Variants in CAMK1D observed in about 807,000 individuals in gnomAD.
CAMK1D encodes calcium/calmodulin-dependent protein kinase type 1D.
CAMK1D carries 9 observed loss-of-function variants against 47.7 expected under a neutral mutation model. The observed-to-expected ratio is 0.19, with a 90% CI of 0.11 to 0.33. The LOEUF (loss-of-function observed/expected upper bound fraction) is 0.33, where lower values mean the gene tolerates loss of function less well. Among genes scored for constraint, CAMK1D ranks in the 10% least tolerant of loss-of-function variants. The probability of loss-of-function intolerance (pLI) is 1.00; values close to 1 mark genes in which losing one functional copy is unlikely to be tolerated. For missense variants in CAMK1D, 291 were observed against 488.7 expected (o/e 0.60, Z 3.81); for synonymous variants, 184 against 184.9 (o/e 0.99, Z 0.04).
intron 1 of CAMK1D, among the ~76,000 whole-genome samples, chr10:12,544,575 A>G (rs377641096): frequency 1.3e-5 from 2 of 152,388 alleles, no homozygotes; most frequent in South Asian, 2.1e-4. Context: ...GTTTTAAAAT[A>G]AATCAGGAAG....
chr10:12,660,327 G>C (rs1173018138), intron 2 of CAMK1D, among the ~76,000 whole-genome samples: 1 of 152,064 alleles, frequency 6.6e-6, no homozygotes, highest in Non-Finnish European at 1.5e-5. Flanking sequence ...TTGAACTGGG[G>C]TACATGAGGC....
chr10:12,599,575 T>C (rs1838242511), intron 2 of CAMK1D, among the ~76,000 whole-genome samples: 1 of 152,300 alleles, frequency 6.6e-6, no homozygotes, highest in Non-Finnish European at 1.5e-5. Context: ...TTTCTTTTTG[T>C]CCCCTTTTAG....
At chr10:12,807,994 T>G in intron 6 of CAMK1D, among the ~76,000 whole-genome samples, 1 of 152,180 alleles carries the variant, frequency 6.6e-6, no homozygotes, top group African/African-American at 2.4e-5. Context: ...AGGCCTCACC[T>G]CAGCTCTAGC....
chr10:12,668,255 T>C lies in CAMK1D; in HGVS notation c.299+1445T>C, dbSNP rs77961984. 5.7e-3 allele frequency among the ~76,000 whole-genome samples: 872 copies of C among 152,344 alleles called. 8 individuals carry two copies. Among genetic ancestry groups the C allele is most frequent in the African/African-American group, 0.02 (834 of 41,570 alleles). On this transcript the variant is annotated intron_variant, in intron 3 of 10. Transcript: ENST00000619168. ...CACATCACTTTCTCATCAAATATTA[T>C]TGCCTAATTGGAAGATTATGAGATT... is the stretch of plus-strand genomic sequence containing the variant.
intron 3 of CAMK1D, among the ~76,000 whole-genome samples, chr10:12,676,962 A>G (rs77036853): frequency 0.013 from 1,961 of 152,272 alleles, 40 homozygotes; most frequent in South Asian, 0.11. Flanking sequence ...TTTTTTACCA[A>G]TGTTGTGAGT....
At chr10:12,722,601 G>A (rs1290279945) in intron 3 of CAMK1D, among the ~76,000 whole-genome samples, 1 of 152,100 alleles carries the variant, frequency 6.6e-6, no homozygotes, top group Non-Finnish European at 1.5e-5. Flanking sequence ...GAAGTTATGA[G>A]GAATTCTTAG....
chr10:12,630,585 A>C (rs1396525618), intron 2 of CAMK1D, among the ~76,000 whole-genome samples: 1 of 151,376 alleles, frequency 6.6e-6, no homozygotes, highest in East Asian at 1.9e-4. Flanking sequence ...GTTTTATTTT[A>C]TTTTATTTTA....
At chr10:12,408,196 C>G (rs1434834876) in intron 1 of CAMK1D, among the ~76,000 whole-genome samples, 1 of 146,842 alleles carries the variant, frequency 6.8e-6, no homozygotes, top group Non-Finnish European at 1.5e-5. Context: ...GAGTCTCGGT[C>G]TGTTGCCCAG....
At chr10:12,559,161 T>C (rs1836857706) in intron 2 of CAMK1D, among the ~76,000 whole-genome samples, 1 of 151,772 alleles carries the variant, frequency 6.6e-6, no homozygotes, top group African/African-American at 2.4e-5. Flanking sequence ...ATTAAAAAAC[T>C]AGTCAGGTGT....
chr10:12,821,484 A>G (rs1833009109), intron 8 of CAMK1D, among the ~76,000 whole-genome samples: 2 of 152,158 alleles, frequency 1.3e-5, no homozygotes, highest in Non-Finnish European at 2.9e-5. Context: ...CACACCAGGC[A>G]CCACCAGGCC....
At chr10:12,546,904 G>T (rs7477289) in intron 1 of CAMK1D, among the ~76,000 whole-genome samples, 4 of 151,462 alleles carry the variant, frequency 2.6e-5, no homozygotes, top group Non-Finnish European at 5.9e-5. Flanking sequence ...CACATGTATA[G>T]ATATGTAACA....
intron 1 of CAMK1D, among the ~76,000 whole-genome samples, chr10:12,463,129 A>G (rs1349213629): frequency 6.9e-6 from 1 of 144,500 alleles, no homozygotes; most frequent in Non-Finnish European, 1.5e-5. Flanking sequence ...AAGCTCTAAG[A>G]GTTTTTTTTT....
intron 1 of CAMK1D, among the ~76,000 whole-genome samples, chr10:12,542,959 C>T (rs975961170): frequency 4.6e-5 from 7 of 151,992 alleles, no homozygotes; most frequent in African/African-American, 1.2e-4. Context: ...TTGGCCAGAC[C>T]GCTCTTGAAC....
Position 12,649,339 on chromosome 10 carries a change from T to C in CAMK1D, c.225-17397T>C, listed in dbSNP as rs1198466047. On this transcript the variant is annotated intron_variant, in intron 2 of 10. Transcript: ENST00000619168. ...GCCAGCAGATAGATGGATGTGTGTCTGAAAGAAAGGGGAGGTCGGCTGGCA... is the reference window on the plus strand; with the variant it reads ...GCCAGCAGATAGATGGATGTGTGTCCGAAAGAAAGGGGAGGTCGGCTGGCA... 2.0e-5 allele frequency among the ~76,000 whole-genome samples: 3 copies of C among 152,276 alleles called. No homozygotes were observed. The East Asian group carries it at 5.8e-4, about 29-fold the overall frequency.
At chr10:12,739,416 C>T (rs1279108229) in intron 3 of CAMK1D, among the ~76,000 whole-genome samples, 1 of 150,924 alleles carries the variant, frequency 6.6e-6, no homozygotes, top group Admixed American at 6.6e-5. Context: ...GCTGGGATTA[C>T]AGGTGCATGC....
At chr10:12,591,350 A>C (rs573077945) in intron 2 of CAMK1D, among the ~76,000 whole-genome samples, 1 of 152,224 alleles carries the variant, frequency 6.6e-6, no homozygotes, top group South Asian at 2.1e-4. Context: ...TTCGGACCAA[A>C]CAGAGAAGGC....
intron 1 of CAMK1D, among the ~76,000 whole-genome samples, chr10:12,420,544 A>C (rs1422994377): frequency 6.6e-6 from 1 of 151,932 alleles, no homozygotes; most frequent in Non-Finnish European, 1.5e-5. Context: ...TTTGGTGGAC[A>C]CCTTAGTCAA....
At chr10:12,630,194 A>G (rs1839335881) in intron 2 of CAMK1D, among the ~76,000 whole-genome samples, 1 of 151,938 alleles carries the variant, frequency 6.6e-6, no homozygotes, top group Admixed American at 6.6e-5. Context: ...GTTACTTCTT[A>G]CCTAACTTTC....
At chr10:12,629,069 T>C (rs930696708) in intron 2 of CAMK1D, among the ~76,000 whole-genome samples, 1 of 152,234 alleles carries the variant, frequency 6.6e-6, no homozygotes, top group Admixed American at 6.5e-5. Context: ...GCTGTAAATG[T>C]CTGTGTGTAT....
Sources: allele counts gnomAD v4.1 joint callset (sites outside exome capture counted in the v4.1 genomes callset), GRCh38; gene constraint gnomAD v4.1.1; transcripts MANE v1.5; gene names NCBI Gene and HGNC (gene_info 2026-07-23, HGNC 2026-07-21).